The following ARHGAP44 variants were observed in gnomAD, a reference collection of about 807,000 sequenced individuals.
ARHGAP44 encodes the protein rho GTPase-activating protein 44.
In ARHGAP44, 43 loss-of-function variants were observed where a neutral mutation model predicts 106.8. That is an observed-to-expected ratio of 0.40 (90% CI 0.32 to 0.52). The LOEUF (loss-of-function observed/expected upper bound fraction) is 0.52. Ranked by LOEUF, ARHGAP44 falls within the 20% of genes least tolerant of loss-of-function variation. The pLI is 0.48. For missense variants in ARHGAP44, 866 were observed against 1,050.5 expected (o/e 0.82, Z 2.43); for synonymous variants, 439 against 410.3 (o/e 1.07, Z -0.85).
intron 1 of ARHGAP44, among the ~76,000 whole-genome samples, chr17:12,804,450 C>T (rs9902853): frequency 9.9e-5 from 15 of 152,128 alleles, no homozygotes; most frequent in African/African-American, 3.1e-4. Context: ...ACCTTCATGG[C>T]GAAGGGATGG....
At chr17:12,821,328 T>C (rs552899866) in intron 1 of ARHGAP44, among the ~76,000 whole-genome samples, 2 of 152,322 alleles carry the variant, frequency 1.3e-5, no homozygotes, top group South Asian at 4.1e-4. Flanking sequence ...AACTGAAGTT[T>C]TGAGATTAGA....
chr17:12,833,461 A>T (rs998782349), intron 1 of ARHGAP44, among the ~76,000 whole-genome samples: 1 of 152,118 alleles, frequency 6.6e-6, no homozygotes, highest in African/African-American at 2.4e-5. Context: ...TACTTTATAG[A>T]ATTCACATTT....
intron 16 of ARHGAP44, among the ~76,000 whole-genome samples, chr17:12,971,212 C>T (rs190329184): frequency 2.8e-4 from 43 of 152,244 alleles, no homozygotes; most frequent in African/African-American, 9.2e-4. Context: ...CAGTACCTAC[C>T]CCATGCCCAA....
intron 1 of ARHGAP44, among the ~76,000 whole-genome samples, chr17:12,867,496 A>G (rs1416849306): frequency 3.3e-5 from 5 of 152,148 alleles, no homozygotes; most frequent in African/African-American, 9.7e-5. Flanking sequence ...GGAAATTTGC[A>G]AGTCACAATT....
chr17:12,800,011 T>C (rs2034040626), intron 1 of ARHGAP44, among the ~76,000 whole-genome samples: 1 of 152,188 alleles, frequency 6.6e-6, no homozygotes, highest in Non-Finnish European at 1.5e-5. Flanking sequence ...CCTACTGTAC[T>C]GGAATGGCAC....
intron 3 of ARHGAP44, among the ~76,000 whole-genome samples, chr17:12,901,325 G>A (rs769990110): frequency 6.6e-6 from 1 of 152,158 alleles, no homozygotes; most frequent in East Asian, 1.9e-4. Flanking sequence ...ATGGGATCAC[G>A]CCTTACAGGA....
At chr17:12,933,306 G>A (rs1186324711) in intron 7 of ARHGAP44, among the ~76,000 whole-genome samples, 6 of 152,148 alleles carry the variant, frequency 3.9e-5, no homozygotes, top group African/African-American at 1.4e-4. Flanking sequence ...AGTTAATGAA[G>A]TAGTAATCTG....
At chr17:12,798,608 TC>T (rs2033995733) in intron 1 of ARHGAP44, among the ~76,000 whole-genome samples, 3 of 152,206 alleles carry the variant, frequency 2.0e-5, no homozygotes, top group Admixed American at 2.0e-4. Flanking sequence ...CTGCAGTTAA[TC>T]TTGACTATGG....
chr17:12,889,633 C>T (rs927471912), intron 1 of ARHGAP44, among the ~76,000 whole-genome samples: 32 of 152,158 alleles, frequency 2.1e-4, no homozygotes, highest in African/African-American at 7.2e-4. Context: ...TTCATGTCTT[C>T]ACATGAAAAA....
At chr17:12,885,885 C>G (rs1446594442) in intron 1 of ARHGAP44, among the ~76,000 whole-genome samples, 1 of 151,684 alleles carries the variant, frequency 6.6e-6, no homozygotes. Flanking sequence ...CATTTTTTTT[C>G]TTTTATGAAT....
At chr17:12,867,527 A>G (rs989936158) in intron 1 of ARHGAP44, among the ~76,000 whole-genome samples, 1 of 152,130 alleles carries the variant, frequency 6.6e-6, no homozygotes, top group Non-Finnish European at 1.5e-5. Flanking sequence ...ATATTTTGTC[A>G]TTTCAGCATC....
intron 14 of ARHGAP44, 22 bp downstream of exon 14, chr17:12,956,002 A>C (rs1484678048): frequency 1.3e-6 from 2 of 1,576,960 alleles, no homozygotes; most frequent in Non-Finnish European, 1.7e-6. Context: ...GCGGAGAAGT[A>C]ATGTGGGTGA....
chr17:12,854,958 C>CAAA (rs1182512832), intron 1 of ARHGAP44, among the ~76,000 whole-genome samples: 593 of 48,090 alleles, frequency 0.012, no homozygotes, highest in Non-Finnish European at 0.021. Context: ...AACTCTGTCT[C>CAAA]AAAAAAAAAA....
At chr17:12,920,968 T>C (rs180892811) in intron 6 of ARHGAP44, among the ~76,000 whole-genome samples, 130 of 152,322 alleles carry the variant, frequency 8.5e-4, no homozygotes, top group African/African-American at 3.1e-3. Flanking sequence ...TGTATATAAG[T>C]TGAAAAAGGC....
intron 7 of ARHGAP44, among the ~76,000 whole-genome samples, chr17:12,937,866 C>A (rs550820902): frequency 1.3e-5 from 2 of 152,120 alleles, no homozygotes; most frequent in Middle Eastern, 3.4e-3. Flanking sequence ...TTTGGGAGGC[C>A]GAGGTGGGCG....
At chr17:12,812,016 A>C (rs1181090385) in intron 1 of ARHGAP44, among the ~76,000 whole-genome samples, 1 of 152,038 alleles carries the variant, frequency 6.6e-6, no homozygotes, top group Non-Finnish European at 1.5e-5. Context: ...CTTCTGGGGG[A>C]CACAATTGAA....
chr17:12,817,891 A>G (rs1333662479), intron 1 of ARHGAP44, among the ~76,000 whole-genome samples: 1 of 152,010 alleles, frequency 6.6e-6, no homozygotes, highest in Non-Finnish European at 1.5e-5. Flanking sequence ...TCTTTTTGAA[A>G]ACAAAACTCT....
In ARHGAP44 at chr17:12,952,566, A is replaced by G; in HGVS notation, c.1121A>G (p.Asn374Ser). ...WNACEKLPKA[N>S]HNNIRYLIKF... is the part of the protein sequence containing the mutation. ...GCTTGTGAAAAGTTGCCCAAGGCCA[A>G]TCACAACAACATCCGGTAAGTGGAT... Residue 374 changes from asparagine (N) to serine (S), a missense_variant, in exon 13 of 21, where the codon AAT (asparagine) becomes AGT (serine). Physicochemically the swap from Asn to Ser is conservative, Grantham distance 46. Around this residue, in one of 2 missense-constraint regions of ARHGAP44, gnomAD observed 448 missense variants for 646.9 expected, o/e 0.69. Coordinates refer to ENST00000379672, the MANE Select transcript of ARHGAP44 (RefSeq NM_014859.6). 2 of 1,573,356 alleles carry G rather than the reference A, an allele frequency of 1.3e-6. No individual in the cohort carries two copies. Among genetic ancestry groups the G allele is most frequent in the Non-Finnish European group, 1.7e-6 (2 of 1,158,718 alleles).
At chr17:12,929,119 G>C (rs2038329451) in intron 7 of ARHGAP44, 73 bp downstream of exon 7, 2 of 1,375,018 alleles carry the variant, frequency 1.5e-6, no homozygotes, top group Admixed American at 4.0e-5. Context: ...TTGTTCACTG[G>C]AGTTCTCTTA....
Sources: gnomAD v4.1 joint callset for allele counts (sites outside exome capture counted in the v4.1 genomes callset) on GRCh38, gnomAD v4.1.1 for gene constraint, gnomAD v4.1.1 regional missense constraint, MANE v1.5 for transcripts, NCBI Gene and HGNC (gene_info 2026-07-23, HGNC 2026-07-21) for gene names.